The following PLXNA2 variants were observed in gnomAD, a reference collection of about 807,000 sequenced individuals.
PLXNA2 encodes the protein plexin-A2.
Under a neutral mutation model 193.5 loss-of-function variants are expected in PLXNA2, and 91 were observed. The observed-to-expected ratio is 0.47, with a 90% CI of 0.40 to 0.56. The LOEUF (loss-of-function observed/expected upper bound fraction) is 0.56. Ranked by LOEUF, PLXNA2 falls within the 20% of genes least tolerant of loss-of-function variation. PLXNA2 has a pLI of 0.00. For synonymous variants in PLXNA2, 997 were observed against 1,027.3 expected (o/e 0.97, Z 0.56); for missense variants, 1,995 against 2,503.2 (o/e 0.80, Z 4.33).
rs151250533 is a variant in PLXNA2, at chr1:208,028,743, C to G, written c.5438+87G>C. On this transcript the variant is annotated intron_variant, in intron 30 of 31. Coordinates refer to ENST00000367033, the MANE Select transcript of PLXNA2 (RefSeq NM_025179.4). This position sits in a 1 kb window ranked among gnomAD's most constrained non-coding sequence, Gnocchi z 4.2. ...GTCCTGAAGAGATGACAGACACCGT[C>G]GTCTGAGTCCTTAGTCAGTGATGAC... is the stretch of plus-strand genomic sequence containing the variant. 1.7e-3 allele frequency: 2,041 copies of G among 1,219,898 alleles called. 20 individuals are homozygous for G. In the African/African-American group the frequency reaches 0.023, roughly 13 times the overall value. The allele number at this position is 1,219,898 out of a possible 1,614,324, so 75.6% of individuals were successfully genotyped here.
intron 3 of PLXNA2, among the ~76,000 whole-genome samples, chr1:208,181,955 C>A (rs371084959): frequency 6.6e-6 from 1 of 152,312 alleles, no homozygotes; most frequent in African/African-American, 2.4e-5. Context: ...TCTATTATCT[C>A]ATTTCAACTC....
At position 208,039,262 on chromosome 1, in the gene PLXNA2, C is replaced by G. The variant is rs187865522; in HGVS notation, c.4501-278G>C. 2.0e-4 allele frequency among the ~76,000 whole-genome samples: 31 copies of G among 152,224 alleles called. 1 individual carries two copies. The East Asian group carries it at 4.8e-3, about 24-fold the overall frequency. On this transcript the variant is annotated intron_variant, in intron 24 of 31. Coordinates refer to ENST00000367033, the MANE Select transcript of PLXNA2 (RefSeq NM_025179.4). ...GAGACTATAGTCCTGGAATGAGGCA[C>G]CCTCAGTGTTTAGAGATGGCTCTAC...
chr1:208,030,265 G>A (rs535843182), intron 29 of PLXNA2: 20 of 985,358 alleles, frequency 2.0e-5, no homozygotes, highest in Non-Finnish European at 2.3e-5. Context: ...TGCTATTGAG[G>A]TCTGGTTAAG....
intron 26 of PLXNA2, among the ~76,000 whole-genome samples, chr1:208,037,019 A>G (rs1259359554): frequency 6.6e-6 from 1 of 152,202 alleles, no homozygotes; most frequent in Non-Finnish European, 1.5e-5. Context: ...TACATTAAGC[A>G]CCATATGAAA....
At chr1:208,214,358 C>T (rs1024511842) in intron 2 of PLXNA2, among the ~76,000 whole-genome samples, 13 of 152,122 alleles carry the variant, frequency 8.5e-5, no homozygotes, top group Non-Finnish European at 1.5e-4. Flanking sequence ...ATTTTAAAGA[C>T]GAAAAATTTA....
chr1:208,094,059 T>C (rs545455832), intron 8 of PLXNA2, among the ~76,000 whole-genome samples: 2 of 152,368 alleles, frequency 1.3e-5, no homozygotes, highest in African/African-American at 4.8e-5. Context: ...ATCTTCCCAT[T>C]CAGAGCATTT....
intron 1 of PLXNA2, among the ~76,000 whole-genome samples, chr1:208,220,508 T>C (rs555760741): frequency 6.6e-6 from 1 of 152,136 alleles, no homozygotes; most frequent in Non-Finnish European, 1.5e-5. Flanking sequence ...TCTCAGCTCA[T>C]TGAGACCTCC....
chr1:208,035,473 T>C (rs532418611), intron 26 of PLXNA2, among the ~76,000 whole-genome samples: 1 of 152,096 alleles, frequency 6.6e-6, no homozygotes, highest in Non-Finnish European at 1.5e-5. Context: ...TCTTGTCCCA[T>C]CCTCTATGAG....
intron 29 of PLXNA2, chr1:208,029,380 C>G: frequency 9.2e-7 from 1 of 1,090,610 alleles, no homozygotes. Context: ...CACATTTTCT[C>G]AGGGCTTCAC....
chr1:208,027,234 C>T lies in PLXNA2; in HGVS notation c.*9G>A. 6.2e-7 allele frequency: 1 copy of T among 1,610,378 alleles called. No homozygotes were observed. Reference sequence around the variant, plus strand: ...GGTCCCTCTTCCCAGGAATGCGAGGCTCCTCCTCTCAGCTCTCAATGGACA... The same window carrying T: ...GGTCCCTCTTCCCAGGAATGCGAGGTTCCTCCTCTCAGCTCTCAATGGACA... On this transcript the variant is annotated 3_prime_UTR_variant, in exon 32 of 32. Coordinates refer to ENST00000367033, the MANE Select transcript of PLXNA2 (RefSeq NM_025179.4).
intron 6 of PLXNA2, 73 bp downstream of exon 6, chr1:208,098,773 C>T (rs898254526): frequency 2.8e-5 from 42 of 1,522,872 alleles, no homozygotes; most frequent in Admixed American, 5.6e-5. Flanking sequence ...CTTGTGCAAG[C>T]GTGAATGGAG....
chr1:208,164,190 A>G (rs1235024963), intron 3 of PLXNA2, among the ~76,000 whole-genome samples: 1 of 152,226 alleles, frequency 6.6e-6, no homozygotes, highest in African/African-American at 2.4e-5. Context: ...TGCAGGCTAC[A>G]GGGGAAGACT....
intron 3 of PLXNA2, among the ~76,000 whole-genome samples, chr1:208,191,145 C>T (rs867162100): frequency 1.3e-5 from 2 of 152,208 alleles, no homozygotes; most frequent in South Asian, 2.1e-4. Context: ...ATCATGTGCA[C>T]TCCCCAAGAA....
chr1:208,095,688 C>T (rs1350658444), intron 8 of PLXNA2, among the ~76,000 whole-genome samples: 1 of 152,158 alleles, frequency 6.6e-6, no homozygotes, highest in Non-Finnish European at 1.5e-5. Context: ...CACTGTCAGC[C>T]TCTACCTTCA....
At chr1:208,029,268 T>C in intron 29 of PLXNA2, 1 of 1,361,658 alleles carries the variant, frequency 7.3e-7, no homozygotes. Context: ...CTGACCCTGA[T>C]CTCTAACATC....
intron 1 of PLXNA2, among the ~76,000 whole-genome samples, chr1:208,237,328 T>C (rs1269595508): frequency 3.3e-5 from 5 of 152,044 alleles, no homozygotes; most frequent in Non-Finnish European, 7.4e-5. Context: ...CAGATAAGAG[T>C]AGATGCATAA....
intron 4 of PLXNA2, among the ~76,000 whole-genome samples, chr1:208,136,960 G>T (rs1668318959): frequency 6.6e-6 from 1 of 152,204 alleles, no homozygotes; most frequent in African/African-American, 2.4e-5. Flanking sequence ...CACAACAATT[G>T]CATTAGGCCC....
In PLXNA2 at chr1:208,082,119, C is replaced by A. The variant is rs1666363982; in HGVS notation, c.2395+293G>T. On this transcript the variant is annotated intron_variant, in intron 11 of 31. Coordinates refer to ENST00000367033, the MANE Select transcript of PLXNA2 (RefSeq NM_025179.4). This position sits in a 1 kb window ranked among gnomAD's most constrained non-coding sequence, Gnocchi z 4.2. Reference sequence around the variant, plus strand: ...CAGGGAAACTAGCCGGACGTTCCTGCCTGCTGTTCTCCTAGGTCAGGTTCC... The same window carrying A: ...CAGGGAAACTAGCCGGACGTTCCTGACTGCTGTTCTCCTAGGTCAGGTTCC... Among the ~76,000 whole-genome samples the A allele has an allele frequency of 6.6e-6, 1 of 152,174 alleles. No individual in the cohort carries two copies. Among genetic ancestry groups the A allele is most frequent in the Non-Finnish European group, 1.5e-5 (1 of 68,042 alleles).
chr1:208,118,520 C>G (rs556720659), intron 4 of PLXNA2, among the ~76,000 whole-genome samples: 91 of 152,296 alleles, frequency 6.0e-4, no homozygotes, highest in African/African-American at 2.1e-3. Flanking sequence ...CTTCTGCCTC[C>G]CCCACCCCGG....
Sources: allele counts gnomAD v4.1 joint callset (sites outside exome capture counted in the v4.1 genomes callset), GRCh38; gene constraint gnomAD v4.1.1; non-coding constraint Gnocchi (gnomAD v3.1); transcripts MANE v1.5; gene names NCBI Gene and HGNC (gene_info 2026-07-23, HGNC 2026-07-21).